AREL1: variants seen among roughly 807,000 people sequenced by gnomAD.
AREL1 encodes apoptosis-resistant E3 ubiquitin protein ligase 1.
In AREL1, 62 loss-of-function variants were observed where a neutral mutation model predicts 99.0. The observed-to-expected ratio is 0.63, with a 90% confidence interval of 0.51 to 0.77. AREL1 has a LOEUF of 0.77. Among genes scored for constraint, AREL1 ranks in the 30% least tolerant of loss-of-function variants. AREL1 has a pLI of 0.00. For synonymous variants in AREL1, 380 were observed against 376.5 expected, an observed-to-expected ratio of 1.01 and a Z score of -0.11; for missense variants, 879 against 1,027.6, an observed-to-expected ratio of 0.86 and a Z score of 1.98.
Position 74,675,917 on chromosome 14 carries a change from CATTGCGTTCG to C in AREL1, c.852_861del (p.Glu285CysfsTer6). On this transcript the variant is annotated frameshift_variant, in exon 8 of 20. Coordinates refer to ENST00000356357, the MANE Select transcript of AREL1 (RefSeq NM_001039479.2). LOFTEE classifies it high-confidence loss of function. ...TAAATGCTCACGCCTGAAGTGGACA[CATTGCGTTCG>C]ACGATATTCTTCTCATCCTCTGAAG... is the stretch of plus-strand genomic sequence containing the variant. The C allele has an allele frequency of 1.2e-6, 2 of 1,605,072 alleles. No homozygotes were observed. The highest frequency in any genetic ancestry group is 1.7e-6 in the Non-Finnish European group (2 of 1,174,412).
At chr14:74,676,109 C>T in intron 7 of AREL1, 32 bp downstream of exon 7, 3 of 1,595,734 alleles carry the variant, frequency 1.9e-6, no homozygotes, top group Non-Finnish European at 2.6e-6. Context: ...GGCTGAAGAA[C>T]AGCACTAAAT....
chr14:74,678,695 C>CAAAAAAAAA (rs71119311), intron 5 of AREL1, among the ~76,000 whole-genome samples: 1 of 95,426 alleles, frequency 1.0e-5, no homozygotes, highest in Non-Finnish European at 2.1e-5. Flanking sequence ...CATGTATAAG[C>CAAAAAAAAA]AAAAAAAAAA....
chr14:74,668,997 C>T (rs552441590), intron 15 of AREL1, among the ~76,000 whole-genome samples: 20 of 152,150 alleles, frequency 1.3e-4, no homozygotes, highest in Non-Finnish European at 2.6e-4. Context: ...CCAGCTTCAG[C>T]GCCCACTTCC....
chr14:74,691,324 T>TAA (rs11407786), intron 2 of AREL1, among the ~76,000 whole-genome samples: 1,562 of 72,214 alleles, frequency 0.022, 53 homozygotes, highest in Middle Eastern at 0.043. Flanking sequence ...TGTCTCCATT[T>TAA]AAAAAAAAAA....
In AREL1 at chr14:74,661,706, G is replaced by T; in HGVS notation, c.*2014C>A. The T allele has an allele frequency of 6.2e-6, 1 of 160,100 alleles. No homozygotes were observed. The highest frequency in any genetic ancestry group is 1.4e-5 in the Non-Finnish European group (1 of 72,996). 9.9% of individuals were successfully genotyped at this position (160,100 alleles called of 1,614,324 possible). A position where few individuals can be genotyped will look rare whatever the true frequency, so the allele number is the denominator to read the frequency against. The stretch of plus-strand genomic sequence containing the variant: ...ATAGAAAACCACAATAGTGCCAAAG[G>T]GTTTTGTTTAACAAAGACTGGTGCC... On this transcript the variant is annotated 3_prime_UTR_variant, in exon 20 of 20. Coordinates refer to ENST00000356357, the MANE Select transcript of AREL1 (RefSeq NM_001039479.2).
At chr14:74,709,462 C>G (rs1179313790) in intron 1 of AREL1, among the ~76,000 whole-genome samples, 1 of 152,190 alleles carries the variant, frequency 6.6e-6, no homozygotes. Flanking sequence ...CTCTATTCAG[C>G]CACCAACCAT....
intron 1 of AREL1, among the ~76,000 whole-genome samples, chr14:74,705,531 A>G (rs2090162040): frequency 6.6e-6 from 1 of 152,170 alleles, no homozygotes; most frequent in Non-Finnish European, 1.5e-5. Flanking sequence ...AACCCAGAAC[A>G]TGCACCTTGA....
In AREL1 at chr14:74,675,766, G is replaced by A; in HGVS notation, c.1013C>T (p.Pro338Leu). ...TAVDEEDEDS[P>L]SECHTPEKVK... The stretch of plus-strand genomic sequence containing the variant: ...CTTCTCAGGGGTGTGGCACTCAGAG[G>A]GCGAGTCTTCATCTTCCTCGTCAAC... The change falls in exon 8 of 20, where the codon CCC becomes CTC. Residue 338 changes from proline to leucine, a missense_variant. By Grantham distance (98) the Pro-to-Leu change is moderately conservative. Transcript: ENST00000356357. 6.2e-7 allele frequency: 1 copy of A among 1,614,130 alleles called. No homozygotes were observed. The highest frequency in any genetic ancestry group is 1.3e-5 in the African/African-American group (1 of 75,020).
rs78031907 is a variant in AREL1 at position 74,687,018 on chromosome 14, G to C, written c.-45-1358C>G. On this transcript the variant is annotated intron_variant, in intron 2 of 19. Coordinates refer to ENST00000356357, the MANE Select transcript of AREL1 (RefSeq NM_001039479.2). The stretch of plus-strand genomic sequence containing the variant: ...AGCTATCATCTCAAAAATCTGCTAC[G>C]ATCTCTCAAAAAGCATCTGTCTGCA... 2.8e-4 allele frequency among the ~76,000 whole-genome samples: 43 copies of C among 152,238 alleles called. 1 individual carries two copies. In the East Asian group the frequency reaches 7.3e-3, roughly 26 times the overall value.
rs978804358 is a variant in AREL1, at chr14:74,673,228, A to C, written c.1159-10T>G. 6.2e-7 allele frequency: 1 copy of C among 1,613,222 alleles called. No homozygotes were observed. Among genetic ancestry groups the C allele is most frequent in the Admixed American group, 1.7e-5 (1 of 60,022 alleles). ...GACCAAGGTATGAAAACTGGTAAAG[A>C]AAAACAAAGAAATTAATCTATAAAA... On this transcript the variant is annotated splice_polypyrimidine_tract_variant and intron_variant, in intron 9 of 19. Transcript: ENST00000356357.
chr14:74,676,080 T>G, intron 7 of AREL1, 61 bp downstream of exon 7: 2 of 1,575,602 alleles, frequency 1.3e-6, no homozygotes, highest in Non-Finnish European at 1.7e-6. Flanking sequence ...GACAAAAGAG[T>G]GCAAACAGGC....
At chr14:74,701,891 A>G (rs1363918243) in intron 1 of AREL1, 2 of 152,238 alleles carry the variant, frequency 1.3e-5, no homozygotes, top group African/African-American at 4.8e-5. Context: ...TGCAGGGCCC[A>G]TGCAAGTCCA....
intron 8 of AREL1, among the ~76,000 whole-genome samples, chr14:74,674,554 A>G (rs2139884382): frequency 6.6e-6 from 1 of 152,334 alleles, no homozygotes; most frequent in Admixed American, 6.5e-5. Context: ...GTGAGCTGAG[A>G]TTGGACCATG....
rs562287513 is a variant in AREL1 at position 74,703,350 on chromosome 14, C to G, written c.-334+9583G>C. ...CAGATATTGTGAGACTTATTCACTA[C>G]CATGAGAACAGTATGAGGGAAACCA... On this transcript the variant is annotated intron_variant, in intron 1 of 19. Transcript: ENST00000356357. Among the ~76,000 whole-genome samples, 6 of 152,252 alleles carry G rather than the reference C, an allele frequency of 3.9e-5. No homozygotes were observed. The South Asian group carries it at 1.0e-3, about 26-fold the overall frequency.
intron 5 of AREL1, 60 bp downstream of exon 5, chr14:74,683,236 A>AGGAT: frequency 1.7e-6 from 2 of 1,204,814 alleles, no homozygotes; most frequent in Non-Finnish European, 2.4e-6. Context: ...AAGGAAAGAC[A>AGGAT]GGATGGAAAG....
At chr14:74,671,892 C>A in intron 11 of AREL1, 1 of 363,522 alleles carries the variant, frequency 2.8e-6, no homozygotes, top group Non-Finnish European at 5.6e-6. Context: ...CATATTTATC[C>A]ACAAGGCTAG....
At position 74,687,293 on chromosome 14, in the gene AREL1, A is replaced by G. The variant is rs186240272; in HGVS notation, c.-45-1633T>C. 6.6e-5 allele frequency among the ~76,000 whole-genome samples: 10 copies of G among 152,306 alleles called. No homozygotes were observed. The East Asian group carries it at 1.7e-3, about 26-fold the overall frequency. On this transcript the variant is annotated intron_variant, in intron 2 of 19. Transcript: ENST00000356357. ...ATGAGGGCTAGAAAAATTCCCACCT[A>G]CTATCTCTGACAACTACAACAACCC...
chr14:74,679,028 T>C (rs2089564534), intron 5 of AREL1, among the ~76,000 whole-genome samples: 1 of 152,140 alleles, frequency 6.6e-6, no homozygotes, highest in South Asian at 2.1e-4. Context: ...TACTCCCCAG[T>C]AGCTGGGACT....
chr14:74,706,253 G>A (rs749936810), intron 1 of AREL1, among the ~76,000 whole-genome samples: 17 of 152,098 alleles, frequency 1.1e-4, no homozygotes, highest in East Asian at 1.9e-4. Context: ...CTGACAAGCC[G>A]TCTCCCTCAA....
Sources: allele counts gnomAD v4.1 joint callset (sites outside exome capture counted in the v4.1 genomes callset), GRCh38; gene constraint gnomAD v4.1.1; transcripts MANE v1.5; gene names NCBI Gene and HGNC (gene_info 2026-07-23, HGNC 2026-07-21).